Variants in COL5A1 observed in about 807,000 individuals in gnomAD.
The protein encoded by COL5A1 is collagen alpha-1(V) chain.
In COL5A1, 16 loss-of-function variants were observed where a neutral mutation model predicts 263.7. The observed-to-expected ratio is 0.06, with a 90% CI of 0.04 to 0.09. The LOEUF (loss-of-function observed/expected upper bound fraction) is 0.09. Ranked by LOEUF, COL5A1 falls within the 10% of genes least tolerant of loss-of-function variation. The pLI is 1.00. For missense variants in COL5A1, 2,036 were observed against 2,540.5 expected (o/e 0.80, Z 4.27); for synonymous variants, 1,012 against 1,004.5 (o/e 1.01, Z -0.14).
At chr9:134,735,389 G>A (rs777678909) in intron 9 of COL5A1, among the ~76,000 whole-genome samples, 1 of 151,956 alleles carries the variant, frequency 6.6e-6, no homozygotes, top group Non-Finnish European at 1.5e-5. Context: ...GACATCTACA[G>A]TGCAATATCA....
In COL5A1 at chr9:134,686,760, G is replaced by A. The variant is rs1833093285; in HGVS notation, c.110-4152G>A. Among the ~76,000 whole-genome samples, 1 of 152,178 alleles carries A rather than the reference G, an allele frequency of 6.6e-6. No homozygotes were observed. Among genetic ancestry groups the A allele is most frequent in the African/African-American group, 2.4e-5 (1 of 41,444 alleles). ...TGATCAACTCGGGGATGGACAAGAG[G>A]TATTCCCTGGGCAAGCGAGGCTGTG... On this transcript the variant is annotated intron_variant, in intron 1 of 65. Coordinates refer to ENST00000371817, the MANE Select transcript of COL5A1 (RefSeq NM_000093.5). This position sits in a 1 kb window ranked among gnomAD's most constrained non-coding sequence, Gnocchi z 4.6.
At position 134,677,951 on chromosome 9, in the gene COL5A1, G is replaced by A. The variant is rs996213755; in HGVS notation, c.110-12961G>A. ...GATTCTCTGTCGCCCCATAGCTTGG[G>A]TATGGAGGGCCTCCTCTCCATGCAA... On this transcript the variant is annotated intron_variant, in intron 1 of 65. Coordinates refer to ENST00000371817, the MANE Select transcript of COL5A1 (RefSeq NM_000093.5). The surrounding 1 kb of genome is among the most constrained non-coding windows in gnomAD (Gnocchi z 4.4). 5.3e-5 allele frequency among the ~76,000 whole-genome samples: 8 copies of A among 152,224 alleles called. No individual in the cohort carries two copies. Among genetic ancestry groups the A allele is most frequent in the African/African-American group, 1.7e-4 (7 of 41,454 alleles).
rs539809091 is a variant in COL5A1, at chr9:134,652,722, A to C, written c.109+10426A>C. Reference sequence around the variant, plus strand: ...CGTGGCCTCACCCCATGGTCTTCTCATGGCTCATTGTCAGACAGGAGGGAG... The same window carrying C: ...CGTGGCCTCACCCCATGGTCTTCTCCTGGCTCATTGTCAGACAGGAGGGAG... On this transcript the variant is annotated intron_variant, in intron 1 of 65. Coordinates refer to ENST00000371817, the MANE Select transcript of COL5A1 (RefSeq NM_000093.5). The surrounding 1 kb of genome is among the most constrained non-coding windows in gnomAD (Gnocchi z 4.4). The C allele has an allele frequency of 2.1e-6, 1 of 470,854 alleles. No individual in the cohort carries two copies. Among genetic ancestry groups the C allele is most frequent in the South Asian group, 1.5e-5 (1 of 64,566 alleles). 29.2% of individuals were successfully genotyped at this position (470,854 alleles called of 1,614,324 possible).
rs1834550685 is a variant in COL5A1 at position 134,723,805 on chromosome 9, G to A, written c.655-3461G>A. Among the ~76,000 whole-genome samples, 3 of 152,198 alleles carry A rather than the reference G, an allele frequency of 2.0e-5. No homozygotes were observed. The South Asian group carries it at 6.2e-4, about 32-fold the overall frequency. ...CTGACCCAGAGGCAGGTATGGATGT[G>A]GATGTGTGGCTGAAGTCAGGAGCAG... On this transcript the variant is annotated intron_variant, in intron 4 of 65. Transcript: ENST00000371817.
chr9:134,812,641 G>A lies in COL5A1; in HGVS notation c.3781G>A (p.Gly1261Arg), dbSNP rs772445337. Residue 1261 changes from glycine to arginine, a missense_variant, in exon 48 of 66, where the codon GGA (glycine) becomes AGA (arginine). This residue lies in a region of COL5A1 where 1,078 missense variants were observed against 1,521.4 expected (regional missense o/e 0.71). Transcript: ENST00000371817. Reference sequence around the variant, plus strand: ...TCCCCCTGGCCCCCGAGGACCCTCCGGAGCTCCAGGTGCTGATGGCCCACA... The same window carrying A: ...TCCCCCTGGCCCCCGAGGACCCTCCAGAGCTCCAGGTGCTGATGGCCCACA... ...PGPPGPRGPS[G>R]APGADGPQGP... The A allele has an allele frequency of 6.3e-7, 1 of 1,599,552 alleles. No individual in the cohort carries two copies. Among genetic ancestry groups the A allele is most frequent in the Non-Finnish European group, 8.5e-7 (1 of 1,173,316 alleles).
chr9:134,820,689 C>G (rs1303005230), intron 58 of COL5A1, among the ~76,000 whole-genome samples: 1 of 152,182 alleles, frequency 6.6e-6, no homozygotes, highest in East Asian at 1.9e-4. Flanking sequence ...GCAGCCTCTG[C>G]AAACCATAGC....
rs562818161 is a variant in COL5A1 at position 134,765,291 on chromosome 9, C to T, written c.2035-390C>T. The stretch of plus-strand genomic sequence containing the variant: ...TGCGGAGGGGAATTCAGGAGCGAGC[C>T]GGTAATGAGGATAGGGCACAAGGGC... On this transcript the variant is annotated intron_variant, in intron 20 of 65. Transcript: ENST00000371817. The surrounding 1 kb of genome is among the most constrained non-coding windows in gnomAD (Gnocchi z 5.1). Among the ~76,000 whole-genome samples the T allele has an allele frequency of 1.7e-4, 26 of 152,180 alleles. No individual in the cohort carries two copies. The highest frequency in any genetic ancestry group is 7.7e-4 in the East Asian group (4 of 5,176).
chr9:134,798,879 G>A (rs1219009830), intron 37 of COL5A1, among the ~76,000 whole-genome samples: 2 of 152,220 alleles, frequency 1.3e-5, no homozygotes, highest in African/African-American at 4.8e-5. Context: ...AAAGTGCTGG[G>A]AAAGGGTCTA....
intron 59 of COL5A1, 40 bp downstream of exon 59, chr9:134,822,190 AGGGAGGGTG>A: frequency 1.3e-6 from 1 of 773,782 alleles, no homozygotes; most frequent in Non-Finnish European, 2.2e-6. Flanking sequence ...CTGGGAGGGC[AGGGAGGGTG>A]GGGATAAGCC....
rs1323761701 is a variant in COL5A1 at position 134,821,137 on chromosome 9, G to C, written c.4554+914G>C. 6.6e-6 allele frequency among the ~76,000 whole-genome samples: 1 copy of C among 152,140 alleles called. No individual in the cohort carries two copies. Among genetic ancestry groups the C allele is most frequent in the Non-Finnish European group, 1.5e-5 (1 of 68,014 alleles). The stretch of plus-strand genomic sequence containing the variant: ...TGCCGGTATCCCCAGGCCACAGCAG[G>C]GTCGTCGGAGGAGTGCCGCCCAGGG... On this transcript the variant is annotated intron_variant, in intron 58 of 65. Transcript: ENST00000371817. The surrounding 1 kb of genome is among the most constrained non-coding windows in gnomAD (Gnocchi z 4.2).
intron 4 of COL5A1, among the ~76,000 whole-genome samples, chr9:134,712,544 C>T (rs1253318152): frequency 4.1e-5 from 2 of 48,250 alleles, no homozygotes; most frequent in African/African-American, 1.8e-4. Context: ...CTTCTTGTCC[C>T]CCGTCCTTCC....
chr9:134,709,140 C>T (rs528820866), intron 4 of COL5A1: 2 of 357,396 alleles, frequency 5.6e-6, no homozygotes, highest in South Asian at 4.1e-5. Context: ...CTGGACCCAT[C>T]CCTCGGGGCC....
chr9:134,696,995 C>T lies in COL5A1; in HGVS notation c.278-2914C>T, dbSNP rs1047571567. Among the ~76,000 whole-genome samples, 8 of 152,006 alleles carry T rather than the reference C, an allele frequency of 5.3e-5. No individual in the cohort carries two copies. The highest frequency in any genetic ancestry group is 3.9e-4 in the East Asian group (2 of 5,144). On this transcript the variant is annotated intron_variant, in intron 2 of 65. Transcript: ENST00000371817. This position sits in a 1 kb window ranked among gnomAD's most constrained non-coding sequence, Gnocchi z 4.3. ...CTGAGGCAGGAGAATGGCGTGAACC[C>T]GGGAGGCGGAGCTTGCAGTGAGCTG...
At chr9:134,788,113 G>A (rs55979349) in intron 31 of COL5A1, among the ~76,000 whole-genome samples, 2 of 151,904 alleles carry the variant, frequency 1.3e-5, no homozygotes, top group African/African-American at 4.8e-5. Context: ...GGATGGGTGG[G>A]CAGGTGGGGT....
chr9:134,651,545 A>T (rs1013282273), intron 1 of COL5A1, among the ~76,000 whole-genome samples: 1 of 152,260 alleles, frequency 6.6e-6, no homozygotes, highest in African/African-American at 2.4e-5. Context: ...TACACCAGAG[A>T]GCACGGTGGT....
In COL5A1 at chr9:134,830,062, GT is replaced by G; in HGVS notation, c.5136+19del. The G allele has an allele frequency of 6.2e-7, 1 of 1,613,862 alleles. No individual in the cohort carries two copies. The highest frequency in any genetic ancestry group is 8.5e-7 in the Non-Finnish European group (1 of 1,179,904). On this transcript the variant is annotated intron_variant, in intron 64 of 65. Coordinates refer to ENST00000371817, the MANE Select transcript of COL5A1 (RefSeq NM_000093.5). ...GGAAACTGGTAAGGTGGCCTCTGGC[GT>G]CTTTGCGGTTGTCACTTTAAACCCG...
chr9:134,690,528 G>C (rs549457786), intron 1 of COL5A1, among the ~76,000 whole-genome samples: 52 of 152,346 alleles, frequency 3.4e-4, no homozygotes, highest in African/African-American at 1.2e-3. Context: ...GAGAAGAGGT[G>C]TCTGGGAGGC....
intron 32 of COL5A1, among the ~76,000 whole-genome samples, chr9:134,793,244 A>G (rs1247913335): frequency 1.3e-5 from 2 of 151,708 alleles, no homozygotes; most frequent in African/African-American, 4.8e-5. Flanking sequence ...GCTGTGTTTG[A>G]CTTCCCCAGT....
chr9:134,823,059 C>A (rs1473969007), intron 60 of COL5A1, 26 bp downstream of exon 60: 1 of 1,613,930 alleles, frequency 6.2e-7, no homozygotes, highest in Admixed American at 1.7e-5. Context: ...CCCAGCCAGG[C>A]CAATGCCTGG....
Sources: allele counts gnomAD v4.1 joint callset (sites outside exome capture counted in the v4.1 genomes callset), GRCh38; gene constraint gnomAD v4.1.1; regional missense constraint gnomAD v4.1.1; non-coding constraint Gnocchi (gnomAD v3.1); transcripts MANE v1.5; gene names NCBI Gene and HGNC (gene_info 2026-07-23, HGNC 2026-07-21).